DPP10: variants seen among roughly 807,000 people sequenced by gnomAD.
DPP10 encodes dipeptidyl peptidase like 10.
In DPP10, 33 loss-of-function variants were observed where a neutral mutation model predicts 120.9. That is an observed-to-expected ratio of 0.27 (90% CI 0.21 to 0.37). DPP10 has a LOEUF of 0.37. Among genes scored for constraint, DPP10 ranks in the 10% least tolerant of loss-of-function variants. The pLI, the probability that DPP10 is intolerant of heterozygous loss-of-function variation, is 1.00. For synonymous variants in DPP10, 337 were observed against 326.1 expected (o/e 1.03, Z -0.36); for missense variants, 816 against 942.8 (o/e 0.87, Z 1.76).
Position 115,800,042 on chromosome 2 carries a change from G to T in DPP10, c.1700+8686G>T, listed in dbSNP as rs868235647. On this transcript the variant is annotated intron_variant, in intron 19 of 25. Coordinates refer to ENST00000410059, the MANE Select transcript of DPP10 (RefSeq NM_020868.6). ...TCCACAATGGTTGAACTAGTTTACA[G>T]TCCCACCAACAGTGTAAAAGTGTTC... 1.5e-4 allele frequency among the ~76,000 whole-genome samples: 22 copies of T among 151,214 alleles called. 1 individual carries two copies. In the South Asian group the frequency reaches 4.6e-3, roughly 32 times the overall value.
chr2:115,057,342 A>G (rs1480719237), intron 1 of DPP10, among the ~76,000 whole-genome samples: 2 of 152,306 alleles, frequency 1.3e-5, no homozygotes, highest in African/African-American at 2.4e-5. Context: ...GATGACAAAA[A>G]TATTTTGGAG....
chr2:115,386,612 C>A (rs2066953948), intron 3 of DPP10, among the ~76,000 whole-genome samples: 1 of 152,150 alleles, frequency 6.6e-6, no homozygotes, highest in Non-Finnish European at 1.5e-5. Context: ...TCCTCTGCTG[C>A]TATCTCAAGT....
At chr2:115,081,152 G>T (rs937364743) in intron 1 of DPP10, among the ~76,000 whole-genome samples, 21 of 152,066 alleles carry the variant, frequency 1.4e-4, no homozygotes, top group African/African-American at 5.1e-4. Context: ...TCTTGAATCT[G>T]CAGATTACTG....
intron 1 of DPP10, among the ~76,000 whole-genome samples, chr2:115,257,994 C>T (rs754587631): frequency 2.6e-5 from 4 of 151,934 alleles, no homozygotes; most frequent in Non-Finnish European, 5.9e-5. Flanking sequence ...ATATATGTAC[C>T]GTTATTTTCT....
intron 1 of DPP10, among the ~76,000 whole-genome samples, chr2:114,790,246 C>G (rs1219663589): frequency 6.6e-6 from 1 of 152,150 alleles, no homozygotes; most frequent in African/African-American, 2.4e-5. Context: ...GATTACTCAG[C>G]TTTTGCAAAT....
intron 1 of DPP10, among the ~76,000 whole-genome samples, chr2:114,721,662 A>G (rs1701713718): frequency 6.6e-6 from 1 of 152,202 alleles, no homozygotes; most frequent in Admixed American, 6.5e-5. Flanking sequence ...AGTCACTGCC[A>G]TGACTTGTAG....
chr2:115,156,147 A>G (rs369723521), intron 1 of DPP10, among the ~76,000 whole-genome samples: 1 of 152,228 alleles, frequency 6.6e-6, no homozygotes, highest in Non-Finnish European at 1.5e-5. Context: ...AATGTTCAGT[A>G]TTGAAAGATG....
chr2:114,894,329 G>T (rs933114254), intron 1 of DPP10, among the ~76,000 whole-genome samples: 1 of 152,108 alleles, frequency 6.6e-6, no homozygotes, highest in African/African-American at 2.4e-5. Flanking sequence ...CAGAGACAAG[G>T]TTGCTTACCT....
chr2:114,791,131 T>A (rs1442938050), intron 1 of DPP10, among the ~76,000 whole-genome samples: 1 of 152,104 alleles, frequency 6.6e-6, no homozygotes, highest in Admixed American at 6.5e-5. Flanking sequence ...AAATGTTAGG[T>A]CATACCAAAC....
intron 1 of DPP10, among the ~76,000 whole-genome samples, chr2:115,149,866 C>T (rs918948701): frequency 2.0e-5 from 3 of 152,084 alleles, no homozygotes; most frequent in Admixed American, 2.0e-4. Flanking sequence ...TAATTGAGCA[C>T]CCTGCATTTT....
intron 1 of DPP10, among the ~76,000 whole-genome samples, chr2:114,925,858 C>T (rs536782201): frequency 3.9e-5 from 6 of 152,134 alleles, no homozygotes; most frequent in Non-Finnish European, 7.3e-5. Flanking sequence ...TTAGGCCAAA[C>T]GGTAAAAGGA....
chr2:115,171,725 AAAAC>A (rs1559181036), intron 1 of DPP10, among the ~76,000 whole-genome samples: 1 of 151,870 alleles, frequency 6.6e-6, no homozygotes, highest in South Asian at 2.1e-4. Flanking sequence ...TTAAAAAAAA[AAAAC>A]AAAAAAAAAA....
intron 5 of DPP10, among the ~76,000 whole-genome samples, chr2:115,550,720 G>T (rs959679912): frequency 2.0e-5 from 3 of 152,122 alleles, no homozygotes. Flanking sequence ...AGCTGGTTCA[G>T]ACTCTCTATT....
At chr2:115,514,522 T>C (rs1269441387) in intron 4 of DPP10, among the ~76,000 whole-genome samples, 2 of 151,606 alleles carry the variant, frequency 1.3e-5, no homozygotes, top group Non-Finnish European at 3.0e-5. Context: ...ACTCTCAGGG[T>C]TTTCCAGTGA....
chr2:114,665,423 G>T (rs939849760), intron 1 of DPP10, among the ~76,000 whole-genome samples: 1 of 151,474 alleles, frequency 6.6e-6, no homozygotes, highest in Non-Finnish European at 1.5e-5. Context: ...TTTTTTTCTT[G>T]TAATGCCGCC....
At chr2:114,611,796 G>A (rs992721956) in intron 1 of DPP10, among the ~76,000 whole-genome samples, 1 of 152,100 alleles carries the variant, frequency 6.6e-6, no homozygotes, top group Non-Finnish European at 1.5e-5. Flanking sequence ...CACTGTTCAT[G>A]TCAGCATTGT....
chr2:115,812,767 C>T (rs1301398957), intron 19 of DPP10, among the ~76,000 whole-genome samples: 3 of 151,996 alleles, frequency 2.0e-5, no homozygotes, highest in Non-Finnish European at 4.4e-5. Context: ...ATTTCTATGG[C>T]ACAGTTTATT....
At chr2:115,646,331 A>G (rs2087253371) in intron 5 of DPP10, among the ~76,000 whole-genome samples, 1 of 152,164 alleles carries the variant, frequency 6.6e-6, no homozygotes, top group South Asian at 2.1e-4. Context: ...AGATCATTAC[A>G]GTGGGGCTAT....
chr2:114,461,347 A>C (rs940818971), intron 1 of DPP10, among the ~76,000 whole-genome samples: 1 of 152,168 alleles, frequency 6.6e-6, no homozygotes, highest in Non-Finnish European at 1.5e-5. Flanking sequence ...CTTTTGAGCC[A>C]TCTTTGTTGC....
Sources: allele counts gnomAD v4.1 joint callset (sites outside exome capture counted in the v4.1 genomes callset), GRCh38; gene constraint gnomAD v4.1.1; transcripts MANE v1.5; gene names NCBI Gene and HGNC (gene_info 2026-07-23, HGNC 2026-07-21).